RBP5: variants seen among roughly 807,000 people sequenced by gnomAD.
RBP5 encodes the protein retinol-binding protein 5.
A neutral mutation model predicts 17.8 loss-of-function variants in RBP5; 12 were observed. The observed-to-expected ratio is 0.67, with a 90% confidence interval of 0.43 to 1.09. The LOEUF (loss-of-function observed/expected upper bound fraction) is 1.09. Among genes scored for constraint, RBP5 ranks in the 50% least tolerant of loss-of-function variants. The pLI is 0.00. For missense variants in RBP5, 172 were observed against 169.4 expected, an observed-to-expected ratio of 1.02 and a Z score of -0.09; for synonymous variants, 64 against 68.1, an observed-to-expected ratio of 0.94 and a Z score of 0.30.
chr12:7,126,500 TGGTGGTGGTG>T (rs767158168), intron 2 of RBP5, among the ~76,000 whole-genome samples: 30 of 29,570 alleles, frequency 1.0e-3, no homozygotes, highest in Non-Finnish European at 1.7e-3. Flanking sequence ...GTGGTGGTGG[TGGTGGTGGTG>T]GTGTGTGTGT....
At chr12:7,126,510 G>GGTGGTGGTGTGTGT (rs751535528) in intron 2 of RBP5, among the ~76,000 whole-genome samples, 61 of 131,104 alleles carry the variant, frequency 4.7e-4, no homozygotes, top group African/African-American at 1.5e-3. Flanking sequence ...TGGTGGTGGT[G>GGTGGTGGTGTGTGT]GTGTGTGTGT....
rs1939137799 is a variant in RBP5 at position 7,124,982 on chromosome 12, C to T, written c.253-252G>A. 6.6e-6 allele frequency among the ~76,000 whole-genome samples: 1 copy of T among 152,214 alleles called. No homozygotes were observed. Among genetic ancestry groups the T allele is most frequent in the Non-Finnish European group, 1.5e-5 (1 of 68,040 alleles). Reference sequence around the variant, plus strand: ...AGTGCAGTGGCAGGATCTCGGCTCACTGCAACCTCTGCCTCCTGGGTTCAA... The same window carrying T: ...AGTGCAGTGGCAGGATCTCGGCTCATTGCAACCTCTGCCTCCTGGGTTCAA... On this transcript the variant is annotated intron_variant, in intron 2 of 3. Coordinates refer to ENST00000266560, the MANE Select transcript of RBP5 (RefSeq NM_031491.4). The surrounding 1 kb of genome is among the most constrained non-coding windows in gnomAD (Gnocchi z 5.3).
chr12:7,119,210 G>A (rs1939046208), downstream of RBP5, among the ~76,000 whole-genome samples: 1 of 97,442 alleles, frequency 1.0e-5, no homozygotes, highest in Admixed American at 1.1e-4. Context: ...ATGGGGGGGG[G>A]TCCCAAGGGC....
rs1363882332 is a variant in RBP5, at chr12:7,117,310, G to A, written n.890-3C>T. On this transcript the variant is annotated splice_polypyrimidine_tract_variant and splice_region_variant and intron_variant and non_coding_transcript_variant, in intron 3 of 3. Coordinates refer to the RBP5 transcript ENST00000619522. This position sits in a 1 kb window ranked among gnomAD's most constrained non-coding sequence, Gnocchi z 4.9. ...ATTCCATTGGTCACACAGACAACCC[G>A]ATGTGGAAGGAGACATCACAAGGAC... 2 of 152,210 alleles carry A rather than the reference G, an allele frequency of 1.3e-5. No homozygotes were observed. The highest frequency in any genetic ancestry group is 2.9e-5 in the Non-Finnish European group (2 of 68,042). 9.4% of individuals were successfully genotyped at this position (152,210 alleles called of 1,614,324 possible).
chr12:7,124,243 G>A lies in RBP5; in HGVS notation c.355-69C>T. 1 of 1,448,988 alleles carries A rather than the reference G, an allele frequency of 6.9e-7. No homozygotes were observed. Among genetic ancestry groups the A allele is most frequent in the Non-Finnish European group, 9.7e-7 (1 of 1,031,848 alleles). 89.8% of individuals were successfully genotyped at this position (1,448,988 alleles called of 1,614,324 possible). On this transcript the variant is annotated intron_variant, in intron 3 of 3. Transcript: ENST00000266560. The surrounding 1 kb of genome is among the most constrained non-coding windows in gnomAD (Gnocchi z 5.3). ...TTGCCAGCCAGAGCCCCTTTCTCAA[G>A]GTCCTTGACCTCCATTTACTCCTTC...
intron 2 of RBP5, chr12:7,127,494 G>A: frequency 3.4e-6 from 2 of 596,580 alleles, no homozygotes; most frequent in Middle Eastern, 4.5e-4. Flanking sequence ...TACATGCTCT[G>A]TAAATAGTTG....
rs1939129063 is a variant in RBP5 at position 7,124,620 on chromosome 12, C to T, written c.354+9G>A. The T allele has an allele frequency of 3.3e-6, 5 of 1,512,240 alleles. No individual in the cohort carries two copies. The highest frequency in any genetic ancestry group is 1.1e-5 in the South Asian group (1 of 88,762). 93.7% of individuals were successfully genotyped at this position (1,512,240 alleles called of 1,614,324 possible). ...CTTCTCCCAGACACCCAGCCCCCAC[C>T]CCATTTACCAGATACAGCATCTCTC... is the stretch of plus-strand genomic sequence containing the variant. On this transcript the variant is annotated intron_variant, in intron 3 of 3. Coordinates refer to ENST00000266560, the MANE Select transcript of RBP5 (RefSeq NM_031491.4). The surrounding 1 kb of genome is among the most constrained non-coding windows in gnomAD (Gnocchi z 5.3).
intron 2 of RBP5, among the ~76,000 whole-genome samples, chr12:7,126,798 C>T (rs1939173723): frequency 6.6e-6 from 1 of 151,912 alleles, no homozygotes; most frequent in African/African-American, 2.4e-5. Flanking sequence ...CATACATCCC[C>T]CTGTGTACTT....
At chr12:7,127,182 T>TG (rs1939185443) in intron 2 of RBP5, among the ~76,000 whole-genome samples, 1 of 152,048 alleles carries the variant, frequency 6.6e-6, no homozygotes, top group Admixed American at 6.5e-5. Context: ...TTAGTAGAGA[T>TG]GGGGTTTCTC....
chr12:7,121,806 G>T (rs79455240), downstream of RBP5: 620 of 155,148 alleles, frequency 4.0e-3, 7 homozygotes, highest in African/African-American at 0.014. Context: ...AGAGAGCACA[G>T]TTATTCCATC....
In RBP5 at chr12:7,128,456, A is replaced by G. The variant is rs747081608; in HGVS notation, c.74-38T>C. The G allele has an allele frequency of 1.9e-6, 3 of 1,603,584 alleles. No individual in the cohort carries two copies. The Admixed American group carries it at 5.0e-5, about 27-fold the overall frequency. ...CCTGTTAGTAGGGGTGCTGCTAGCC[A>G]GCCAGGAGCTCCTCTGCCTGCAGCA... On this transcript the variant is annotated intron_variant, in intron 1 of 3. Transcript: ENST00000266560. This position sits in a 1 kb window ranked among gnomAD's most constrained non-coding sequence, Gnocchi z 5.3.
intron 3 of RBP5, chr12:7,118,193 T>A (rs931536657): frequency 2.0e-5 from 3 of 152,216 alleles, no homozygotes; most frequent in African/African-American, 7.2e-5. Context: ...CCTTCACCTG[T>A]GGGTTCTTGC....
intron 3 of RBP5, chr12:7,118,082 A>C (rs1939027813): frequency 6.6e-6 from 1 of 152,150 alleles, no homozygotes; most frequent in African/African-American, 2.4e-5. Context: ...GACTTTAATA[A>C]ACCCTCATTC....
chr12:7,127,442 C>T lies in RBP5; in HGVS notation c.252+798G>A, dbSNP rs771120245. Reference sequence around the variant, plus strand: ...ACCACGCCCAGCCTTTTCCCATATGCTTTAAATCATCTCTAGATTACTTAT... The same window carrying T: ...ACCACGCCCAGCCTTTTCCCATATGTTTTAAATCATCTCTAGATTACTTAT... On this transcript the variant is annotated intron_variant, in intron 2 of 3. Coordinates refer to ENST00000266560, the MANE Select transcript of RBP5 (RefSeq NM_031491.4). 13 of 502,868 alleles carry T rather than the reference C, an allele frequency of 2.6e-5. No individual in the cohort carries two copies. In the East Asian group the frequency reaches 3.8e-4, roughly 15 times the overall value. 31.2% of individuals were successfully genotyped at this position (502,868 alleles called of 1,614,324 possible). A position where few individuals can be genotyped will look rare whatever the true frequency, so the allele number is the denominator to read the frequency against.
downstream of RBP5, chr12:7,119,564 C>A (rs994432985): frequency 6.5e-6 from 1 of 154,854 alleles, no homozygotes; most frequent in Non-Finnish European, 1.5e-5. Context: ...GTATGTGTCA[C>A]TTACACTTCG....
At position 7,124,139 on chromosome 12, in the gene RBP5, G is replaced by C; in HGVS notation, c.390C>G (p.Val130=). The C allele has an allele frequency of 6.2e-7, 1 of 1,614,104 alleles. No homozygotes were observed. ...TCTCCGGCTATCTGACCTTCCTGAA[G>C]ACCTGCTCGCACACTGCATCCCTTG... The part of the protein sequence containing the change: ...LTARDAVCEQ[V]FRKVR The change falls in exon 4 of 4, where the codon GTC becomes GTG. Residue 130 remains valine, a synonymous_variant. Transcript: ENST00000266560. The surrounding 1 kb of genome is among the most constrained non-coding windows in gnomAD (Gnocchi z 5.3).
Position 7,124,502 on chromosome 12 carries a change from G to C in RBP5, c.354+127C>G. ...CCCAGTGCTTTTGCTTTCCCTCCCT[G>C]GTCAATTCCTTGGATAGGGATTGGG... On this transcript the variant is annotated intron_variant, in intron 3 of 3. Coordinates refer to ENST00000266560, the MANE Select transcript of RBP5 (RefSeq NM_031491.4). The surrounding 1 kb of genome is among the most constrained non-coding windows in gnomAD (Gnocchi z 5.3). 2 of 677,318 alleles carry C rather than the reference G, an allele frequency of 3.0e-6. No individual in the cohort carries two copies. Among genetic ancestry groups the C allele is most frequent in the Non-Finnish European group, 5.3e-6 (2 of 376,642 alleles). 42.0% of individuals were successfully genotyped at this position (677,318 alleles called of 1,614,324 possible). A position where few individuals can be genotyped will look rare whatever the true frequency, so the allele number is the denominator to read the frequency against.
rs769140744 is a variant in RBP5 at position 7,124,656 on chromosome 12, G to A, written c.327C>T (p.His109=). The A allele has an allele frequency of 1.3e-6, 2 of 1,578,626 alleles. No individual in the cohort carries two copies. ...GATACAGCATCTCTCCCTCCAGCCAGTGTCTCCAGCCCCGGTTGGGGACCT... is the reference window on the plus strand; with the variant it reads ...GATACAGCATCTCTCCCTCCAGCCAATGTCTCCAGCCCCGGTTGGGGACCT... The part of the protein sequence containing the change: ...KGEVPNRGWR[H]WLEGEMLYLE... Residue 109 remains histidine (H), a synonymous_variant, in exon 3 of 4, where the codon CAC becomes CAT. Transcript: ENST00000266560. This position sits in a 1 kb window ranked among gnomAD's most constrained non-coding sequence, Gnocchi z 5.3.
chr12:7,117,972 A>C lies in RBP5; in HGVS notation n.890-665T>G, dbSNP rs1939026286. 1 of 152,208 alleles carries C rather than the reference A, an allele frequency of 6.6e-6. No individual in the cohort carries two copies. Among genetic ancestry groups the C allele is most frequent in the Non-Finnish European group, 1.5e-5 (1 of 68,040 alleles). The allele number at this position is 152,208 out of a possible 1,614,324, so 9.4% of individuals were successfully genotyped here. ...GGGTGCGTCTGTTACATACTGGACTATCCCTTCCTTCAATATGTTCATGGC... is the reference window on the plus strand; with the variant it reads ...GGGTGCGTCTGTTACATACTGGACTCTCCCTTCCTTCAATATGTTCATGGC... On this transcript the variant is annotated intron_variant and non_coding_transcript_variant, in intron 3 of 3. Coordinates refer to the RBP5 transcript ENST00000619522. The surrounding 1 kb of genome is among the most constrained non-coding windows in gnomAD (Gnocchi z 4.9).
Sources: gnomAD v4.1 joint callset for allele counts (sites outside exome capture counted in the v4.1 genomes callset) on GRCh38, gnomAD v4.1.1 for gene constraint, Gnocchi (gnomAD v3.1) non-coding constraint, MANE v1.5 for transcripts, NCBI Gene and HGNC (gene_info 2026-07-23, HGNC 2026-07-21) for gene names.